GPHN: variants seen among roughly 807,000 people sequenced by gnomAD.
GPHN encodes the protein gephyrin.
Under a neutral mutation model 95.5 loss-of-function variants are expected in GPHN, and 17 were observed. The observed-to-expected ratio is 0.18, with a 90% CI of 0.12 to 0.27. The LOEUF (loss-of-function observed/expected upper bound fraction) is 0.27, where lower values mean the gene tolerates loss of function less well. GPHN is among the 10% of genes least tolerant of loss of function. GPHN has a pLI of 1.00. For missense variants in GPHN, 660 were observed against 978.1 expected (o/e 0.67, Z 4.34); for synonymous variants, 320 against 322.5 (o/e 0.99, Z 0.08).
At chr14:67,357,326 G>C in the GPHN span, among the ~76,000 whole-genome samples, 1 of 152,214 alleles carries the variant, frequency 6.6e-6, no homozygotes, top group Non-Finnish European at 1.5e-5. Context: ...TACTCAAAAA[G>C]TTTGACCTTT....
At chr14:67,451,527 T>C in the GPHN span, among the ~76,000 whole-genome samples, 17 of 152,318 alleles carry the variant, frequency 1.1e-4, no homozygotes, top group Admixed American at 2.6e-4. Flanking sequence ...ATGTGAGACA[T>C]GGAATCAAAA....
the GPHN span, among the ~76,000 whole-genome samples, chr14:67,524,521 C>G: frequency 6.6e-6 from 1 of 152,240 alleles, no homozygotes; most frequent in Admixed American, 6.5e-5. Flanking sequence ...CCACTCCCAC[C>G]CAGAACCTCC....
At chr14:66,814,832 A>T (rs2060901145) in intron 3 of GPHN, among the ~76,000 whole-genome samples, 1 of 152,206 alleles carries the variant, frequency 6.6e-6, no homozygotes, top group Admixed American at 6.5e-5. Context: ...TGACAGAAAT[A>T]GAATTCAGAA....
At chr14:67,044,683 G>A (rs539498224) in intron 10 of GPHN, among the ~76,000 whole-genome samples, 6 of 152,062 alleles carry the variant, frequency 3.9e-5, no homozygotes, top group South Asian at 2.1e-4. Flanking sequence ...CCCAGCCACC[G>A]TTTATGGCAT....
At chr14:66,977,076 C>A (rs2070296656) in intron 9 of GPHN, among the ~76,000 whole-genome samples, 1 of 152,136 alleles carries the variant, frequency 6.6e-6, no homozygotes, top group Admixed American at 6.5e-5. Flanking sequence ...TATAACCTTT[C>A]AAGCAATAAA....
chr14:67,144,051 C>T (rs1280509790), intron 18 of GPHN, among the ~76,000 whole-genome samples: 6 of 150,416 alleles, frequency 4.0e-5, no homozygotes, highest in African/African-American at 4.9e-5. Flanking sequence ...ACCTGGGCGA[C>T]GTGGTGAAAC....
chr14:66,648,103 G>T (rs779968399), intron 1 of GPHN, among the ~76,000 whole-genome samples: 3 of 152,148 alleles, frequency 2.0e-5, no homozygotes, highest in African/African-American at 7.2e-5. Context: ...ACTGAATTTT[G>T]TGGAGCAAAG....
intron 1 of GPHN, among the ~76,000 whole-genome samples, chr14:66,570,334 C>T (rs1019388842): frequency 2.5e-5 from 3 of 121,628 alleles, no homozygotes; most frequent in Non-Finnish European, 5.0e-5. Context: ...AGTTTCGCTT[C>T]GCTCTTTTTG....
the GPHN span, among the ~76,000 whole-genome samples, chr14:67,264,760 T>C: frequency 6.6e-6 from 1 of 152,196 alleles, no homozygotes; most frequent in Admixed American, 6.5e-5. Context: ...CCTAGAATCA[T>C]GGGGTGAGAA....
chr14:67,221,712 G>A, the GPHN span: 2 of 1,588,914 alleles, frequency 1.3e-6, no homozygotes, highest in Non-Finnish European at 1.7e-6. Context: ...TTTATATCTA[G>A]TAGATCTTTT....
chr14:67,613,952 T>G, the GPHN span: 1 of 152,462 alleles, frequency 6.6e-6, no homozygotes, highest in Non-Finnish European at 1.5e-5. Context: ...TTTTCTTTTT[T>G]GAGACAGGGT....
In GPHN at chr14:66,626,614, G is replaced by A. The variant is rs142909899; in HGVS notation, c.65-54493G>A. 1.1e-3 allele frequency among the ~76,000 whole-genome samples: 174 copies of A among 152,152 alleles called. No individual in the cohort carries two copies. The Middle Eastern group carries it at 0.014, about 12-fold the overall frequency. ...CTGTGGTTCTAGTTATTGTTTTTTG[G>A]ATGTATTTAATAATTTCTAATGTCT... On this transcript the variant is annotated intron_variant, in intron 1 of 22. Transcript: ENST00000478722.
At chr14:67,156,143 G>C (rs529932333) in intron 18 of GPHN, among the ~76,000 whole-genome samples, 1 of 152,076 alleles carries the variant, frequency 6.6e-6, no homozygotes, top group Non-Finnish European at 1.5e-5. Flanking sequence ...ACTAAAGAGG[G>C]TTAACATGTC....
the GPHN span, among the ~76,000 whole-genome samples, chr14:67,578,360 G>T: frequency 6.6e-6 from 1 of 152,212 alleles, no homozygotes; most frequent in Non-Finnish European, 1.5e-5. This position sits in a 1 kb window ranked among gnomAD's most constrained non-coding sequence, Gnocchi z 5.0. Context: ...TCTATGCACA[G>T]ATGGGTGATT....
intron 9 of GPHN, among the ~76,000 whole-genome samples, chr14:67,001,849 C>A (rs2072253341): frequency 6.6e-6 from 1 of 151,660 alleles, no homozygotes; most frequent in Admixed American, 6.6e-5. Context: ...GGTTTACCAC[C>A]AATCCTAGTG....
chr14:67,575,895 G>T, the GPHN span: 1 of 1,613,948 alleles, frequency 6.2e-7, no homozygotes, highest in South Asian at 1.1e-5. Context: ...CTCAGACGAG[G>T]ACTATGAGGC....
At chr14:67,582,047 T>C in the GPHN span, 36,740 of 1,598,914 alleles carry the variant, frequency 0.023, 1,374 homozygotes, top group East Asian at 0.13. The surrounding 1 kb of genome is among the most constrained non-coding windows in gnomAD (Gnocchi z 5.0). Flanking sequence ...TGAGTCCTGG[T>C]TTCTTATTCT....
At chr14:67,601,277 T>C in the GPHN span, among the ~76,000 whole-genome samples, 2 of 152,026 alleles carry the variant, frequency 1.3e-5, no homozygotes, top group Admixed American at 6.6e-5. Context: ...CCCCTCGAAG[T>C]TGGAACAAGC....
chr14:67,539,463 T>C, the GPHN span, among the ~76,000 whole-genome samples: 1 of 152,176 alleles, frequency 6.6e-6, no homozygotes, highest in Non-Finnish European at 1.5e-5. Context: ...TTGTTGGGCC[T>C]TTCTCTGCAG....
Sources: allele counts gnomAD v4.1 joint callset (sites outside exome capture counted in the v4.1 genomes callset), GRCh38; gene constraint gnomAD v4.1.1; non-coding constraint Gnocchi (gnomAD v3.1); transcripts MANE v1.5; gene names NCBI Gene and HGNC (gene_info 2026-07-23, HGNC 2026-07-21).